Variants in HTR7 observed in about 807,000 individuals in gnomAD.
HTR7 encodes the protein 5-HT-7.
HTR7 carries 16 observed loss-of-function variants against 34.0 expected under a neutral mutation model. The observed-to-expected ratio is 0.47, with a 90% CI of 0.32 to 0.71. HTR7 has a LOEUF of 0.71. Ranked by LOEUF, HTR7 falls within the 30% of genes least tolerant of loss-of-function variation. The probability of loss-of-function intolerance (pLI) is 0.04; values close to 1 mark genes in which losing one functional copy is unlikely to be tolerated. For missense variants in HTR7, 504 were observed against 625.5 expected (o/e 0.81, Z 2.07); for synonymous variants, 265 against 260.2 (o/e 1.02, Z -0.18).
intron 1 of HTR7, among the ~76,000 whole-genome samples, chr10:90,803,259 G>A (rs758280936): frequency 1.3e-5 from 2 of 152,170 alleles, no homozygotes; most frequent in African/African-American, 2.4e-5. Context: ...TGTGCCATTC[G>A]ACCTTTGACT....
intron 1 of HTR7, among the ~76,000 whole-genome samples, chr10:90,852,086 T>C (rs895538718): frequency 6.6e-6 from 1 of 151,796 alleles, no homozygotes; most frequent in African/African-American, 2.4e-5. Context: ...GGGCCGGGCA[T>C]GATGGCTTAT....
At chr10:90,841,069 G>C (rs1268069861) in intron 1 of HTR7, among the ~76,000 whole-genome samples, 16 of 152,154 alleles carry the variant, frequency 1.1e-4, no homozygotes, top group Admixed American at 9.8e-4. Flanking sequence ...AACAGAAAAA[G>C]AGCCATGGCT....
intron 1 of HTR7, among the ~76,000 whole-genome samples, chr10:90,851,627 A>AG (rs1846502119): frequency 6.7e-6 from 1 of 149,928 alleles, no homozygotes; most frequent in Non-Finnish European, 1.5e-5. Context: ...AAAAAAAAAA[A>AG]GAAGGAAGCT....
chr10:90,801,575 T>G, intron 1 of HTR7, among the ~76,000 whole-genome samples: 1 of 152,238 alleles, frequency 6.6e-6, no homozygotes, highest in East Asian at 1.9e-4. Context: ...AATTGTATAC[T>G]TTTTCTCCCA....
In HTR7 at chr10:90,742,276, C is replaced by T. The variant is rs143811354; in HGVS notation, c.*206G>A. 7.5e-6 allele frequency: 3 copies of T among 402,132 alleles called. No homozygotes were observed. The highest frequency in any genetic ancestry group is 1.1e-4 in the South Asian group (2 of 17,410). The allele number at this position is 402,132 out of a possible 1,614,324, so 24.9% of individuals were successfully genotyped here. A position where few individuals can be genotyped will look rare whatever the true frequency, so the allele number is the denominator to read the frequency against. On this transcript the variant is annotated 3_prime_UTR_variant, in exon 4 of 4. Transcript: ENST00000336152. Reference sequence around the variant, plus strand: ...ATGATCTGCTATCTTAAACTGAGAACACACAATAGCACTGATCCACAGAAA... The same window carrying T: ...ATGATCTGCTATCTTAAACTGAGAATACACAATAGCACTGATCCACAGAAA...
At chr10:90,802,289 CATA>C in intron 1 of HTR7, among the ~76,000 whole-genome samples, 1 of 152,346 alleles carries the variant, frequency 6.6e-6, no homozygotes, top group Admixed American at 6.5e-5. Context: ...GTCCAAGACA[CATA>C]ATATTTTAAG....
At chr10:90,743,848 T>C in intron 2 of HTR7, 158 bp from the exon 3 acceptor site, 1 of 737,464 alleles carries the variant, frequency 1.4e-6, no homozygotes. Context: ...AAATTAAAAT[T>C]ACCAGTGCAA....
intron 1 of HTR7, among the ~76,000 whole-genome samples, chr10:90,793,512 A>T (rs1053526152): frequency 3.5e-5 from 5 of 142,950 alleles, no homozygotes; most frequent in South Asian, 4.5e-4. Context: ...TATTATTTTT[A>T]AAAAAACAAT....
chr10:90,745,399 G>T (rs1490666255), intron 2 of HTR7, among the ~76,000 whole-genome samples: 2 of 152,096 alleles, frequency 1.3e-5, no homozygotes, highest in Non-Finnish European at 2.9e-5. Context: ...CTGCCCCCAT[G>T]ACCTAATTAC....
intron 1 of HTR7, among the ~76,000 whole-genome samples, chr10:90,850,967 G>A (rs985835119): frequency 2.6e-5 from 4 of 152,114 alleles, no homozygotes; most frequent in South Asian, 2.1e-4. Flanking sequence ...AGTGTTTGAC[G>A]AGATAACAGC....
intron 1 of HTR7, among the ~76,000 whole-genome samples, chr10:90,831,368 T>G (rs1031218479): frequency 6.6e-6 from 1 of 151,786 alleles, no homozygotes; most frequent in Non-Finnish European, 1.5e-5. Context: ...TGGCGGTGAG[T>G]GTTACAGCTC....
chr10:90,752,355 C>T (rs940328245), intron 1 of HTR7, among the ~76,000 whole-genome samples: 5 of 152,054 alleles, frequency 3.3e-5, no homozygotes, highest in African/African-American at 9.7e-5. Context: ...ATAATACCTA[C>T]AGTCTATATG....
chr10:90,857,073 G>A lies in HTR7; in HGVS notation c.539+60C>T. 3 of 1,434,828 alleles carry A rather than the reference G, an allele frequency of 2.1e-6. No individual in the cohort carries two copies. The highest frequency in any genetic ancestry group is 2.5e-5 in the East Asian group (1 of 40,232). 88.9% of individuals were successfully genotyped at this position (1,434,828 alleles called of 1,614,324 possible). The stretch of plus-strand genomic sequence containing the variant: ...ATCCTCCCAGGAAAGGCGAGCGCGC[G>A]GGGCTGAGCTGCCAGCCGGTCCCCA... On this transcript the variant is annotated intron_variant, in intron 1 of 3. Transcript: ENST00000336152. This position sits in a 1 kb window ranked among gnomAD's most constrained non-coding sequence, Gnocchi z 6.5.
In HTR7 at chr10:90,743,606, G is replaced by C. The variant is rs748805138; in HGVS notation, c.1380C>G (p.His460Gln). The C allele has an allele frequency of 3.1e-6, 5 of 1,613,568 alleles. No individual in the cohort carries two copies. Among genetic ancestry groups the C allele is most frequent in the Non-Finnish European group, 3.4e-6 (4 of 1,179,546 alleles). The change falls in exon 3 of 4, where the codon CAC becomes CAG. Residue 460 changes from histidine (H) to glutamine (Q), a missense_variant. His to Gln is a conservative substitution (Grantham distance 24). Coordinates refer to ENST00000336152, the MANE Select transcript of HTR7 (RefSeq NM_019859.4). ...CTTGCTACCCACCTGCTAACCAATT[G>C]TGATGGTCTGGAGATTGTAGCACCC... is the stretch of plus-strand genomic sequence containing the variant. ...SVWVLQSPDH[H>Q]NWLADKMLTT... is the part of the protein sequence containing the mutation.
chr10:90,810,825 C>G (rs1845795094), intron 1 of HTR7, among the ~76,000 whole-genome samples: 1 of 152,202 alleles, frequency 6.6e-6, no homozygotes, highest in African/African-American at 2.4e-5. Context: ...TTCAGTCAAG[C>G]CCAAATTTCT....
chr10:90,793,060 C>G (rs1845484053), intron 1 of HTR7, among the ~76,000 whole-genome samples: 1 of 152,014 alleles, frequency 6.6e-6, no homozygotes, highest in Non-Finnish European at 1.5e-5. Context: ...TGTGAAGAAA[C>G]AGAACTTTAA....
At chr10:90,784,189 A>C (rs1451493787) in intron 1 of HTR7, among the ~76,000 whole-genome samples, 1 of 152,206 alleles carries the variant, frequency 6.6e-6, no homozygotes, top group African/African-American at 2.4e-5. Flanking sequence ...TATCTCTTAA[A>C]ATCCTTTCGT....
chr10:90,758,487 G>A (rs1015547300), intron 1 of HTR7, among the ~76,000 whole-genome samples: 48 of 152,078 alleles, frequency 3.2e-4, no homozygotes, highest in African/African-American at 1.0e-3. Context: ...ATTAGAAGGT[G>A]ACAGGTAAGG....
intron 1 of HTR7, among the ~76,000 whole-genome samples, chr10:90,801,915 T>C (rs993421044): frequency 3.9e-5 from 6 of 152,172 alleles, no homozygotes; most frequent in Non-Finnish European, 8.8e-5. Context: ...TTTTGGTACT[T>C]TATGGTGTGA....
Sources: gnomAD v4.1 joint callset for allele counts (sites outside exome capture counted in the v4.1 genomes callset) on GRCh38, gnomAD v4.1.1 for gene constraint, Gnocchi (gnomAD v3.1) non-coding constraint, MANE v1.5 for transcripts, NCBI Gene and HGNC (gene_info 2026-07-23, HGNC 2026-07-21) for gene names.